The following SSUH2 variants were observed in gnomAD, a reference collection of about 807,000 sequenced individuals.
SSUH2 encodes protein SSUH2 homolog.
SSUH2 carries 47 observed loss-of-function variants against 55.3 expected under a neutral mutation model. The observed-to-expected ratio is 0.85, with a 90% CI of 0.67 to 1.08. The LOEUF (loss-of-function observed/expected upper bound fraction) is 1.08, where lower values mean the gene tolerates loss of function less well. Among genes scored for constraint, SSUH2 ranks in the 50% least tolerant of loss-of-function variants. SSUH2 has a pLI of 0.00. For missense variants in SSUH2, 535 were observed against 490.7 expected (o/e 1.09, Z -0.85); for synonymous variants, 212 against 191.5 (o/e 1.11, Z -0.89).
At chr3:8,646,207 TGTTTA>T (rs575303017), upstream of SSUH2, among the ~76,000 whole-genome samples, 561 of 152,350 alleles carry the variant, frequency 3.7e-3, 3 homozygotes, top group South Asian at 0.017. Context: ...TTGCTGTATC[TGTTTA>T]GGTGTGTGTT....
chr3:8,634,084 G>GGT, intron 3 of SSUH2: 2 of 859,186 alleles, frequency 2.3e-6, no homozygotes, highest in Non-Finnish European at 3.5e-6. Flanking sequence ...CACAACCTTA[G>GGT]AGAGGAATTG....
In SSUH2 at chr3:8,681,044, C is replaced by G. The variant is rs545113248; in HGVS notation, c.-1046+847G>C. ...TCCAAGTGGCGGGGACTGAGAGCCACCCCCTCTTCCCCCGCTGGCTCTTAG... is the reference window on the plus strand; with the variant it reads ...TCCAAGTGGCGGGGACTGAGAGCCAGCCCCTCTTCCCCCGCTGGCTCTTAG... On this transcript the variant is annotated intron_variant, in intron 1 of 18. Transcript: ENST00000317371. 1.2e-3 allele frequency among the ~76,000 whole-genome samples: 174 copies of G among 143,610 alleles called. 5 individuals carry two copies. Among genetic ancestry groups the G allele is most frequent in the Middle Eastern group, 8.1e-3 (2 of 248 alleles). 94.2% of individuals were successfully genotyped at this position (143,610 alleles called of 152,430 possible).
intron 1 of SSUH2, among the ~76,000 whole-genome samples, chr3:8,681,666 A>T (rs1254146869): frequency 7.4e-6 from 1 of 134,604 alleles, no homozygotes; most frequent in Admixed American, 7.3e-5. Context: ...TGGGGACTGA[A>T]AGTCAGCCCC....
intron 1 of SSUH2, among the ~76,000 whole-genome samples, chr3:8,643,503 C>T (rs1575216525): frequency 6.6e-6 from 1 of 152,314 alleles, no homozygotes; most frequent in South Asian, 2.1e-4. Context: ...ATTAAGCCCT[C>T]CTCCAATACA....
At chr3:8,662,252 G>A (rs1247512936) in intron 6 of SSUH2, among the ~76,000 whole-genome samples, 1 of 152,224 alleles carries the variant, frequency 6.6e-6, no homozygotes, top group African/African-American at 2.4e-5. Flanking sequence ...AGAAATGAGA[G>A]AGGGCCATGG....
upstream of SSUH2, among the ~76,000 whole-genome samples, chr3:8,649,284 T>C (rs933465785): frequency 6.6e-6 from 1 of 152,156 alleles, no homozygotes; most frequent in African/African-American, 2.4e-5. Context: ...CTGCAGTTCA[T>C]GAAGAGGGCA....
At chr3:8,677,263 G>A (rs1364321537) in exon 3 of SSUH2, 5 of 151,704 alleles carry the variant, frequency 3.3e-5, no homozygotes, top group South Asian at 2.1e-4. Context: ...CCGAAGGCAG[G>A]TACCTTACTT....
chr3:8,648,883 G>A (rs1388446759), upstream of SSUH2, among the ~76,000 whole-genome samples: 8 of 152,236 alleles, frequency 5.3e-5, no homozygotes, highest in African/African-American at 9.6e-5. Context: ...TGCCCCCACC[G>A]TCTAATGGTG....
intron 6 of SSUH2, among the ~76,000 whole-genome samples, chr3:8,662,651 T>C (rs776258758): frequency 3.9e-5 from 6 of 152,222 alleles, no homozygotes; most frequent in Non-Finnish European, 7.3e-5. Context: ...CAGAAAAGCC[T>C]GGCCCTACTC....
At chr3:8,674,566 G>A (rs1452666085) in intron 3 of SSUH2, among the ~76,000 whole-genome samples, 15 of 152,176 alleles carry the variant, frequency 9.9e-5, no homozygotes, top group Non-Finnish European at 1.5e-4. Context: ...GACATCACCG[G>A]AGCCATGGGG....
At chr3:8,670,619 C>T (rs746558891) in intron 5 of SSUH2, among the ~76,000 whole-genome samples, 3 of 151,940 alleles carry the variant, frequency 2.0e-5, no homozygotes, top group East Asian at 1.9e-4. Flanking sequence ...GAGTACATGC[C>T]GTGTGACATT....
chr3:8,669,889 C>T (rs11916383), intron 5 of SSUH2, among the ~76,000 whole-genome samples: 73,275 of 152,002 alleles, frequency 0.48, 18,405 homozygotes, highest in East Asian at 0.61. Flanking sequence ...ACATGGGACT[C>T]AATGTAATGT....
At chr3:8,651,999 C>G (rs973015835) in intron 7 of SSUH2, 1 of 152,594 alleles carries the variant, frequency 6.6e-6, no homozygotes, top group Middle Eastern at 3.4e-3. Context: ...CCCCTCCATC[C>G]GGGGGTCTCT....
chr3:8,649,450 T>C (rs1034177804), upstream of SSUH2, among the ~76,000 whole-genome samples: 1 of 152,132 alleles, frequency 6.6e-6, no homozygotes, highest in Non-Finnish European at 1.5e-5. Context: ...TTCAGTGTTA[T>C]GGTCGTCCAC....
chr3:8,660,430 G>A (rs180865687), intron 6 of SSUH2, among the ~76,000 whole-genome samples: 20 of 152,214 alleles, frequency 1.3e-4, no homozygotes, highest in African/African-American at 4.8e-4. Flanking sequence ...GCAAGTCAAG[G>A]GTTAAGAAGA....
chr3:8,628,269 G>A (rs772761273), intron 7 of SSUH2, among the ~76,000 whole-genome samples: 5 of 152,182 alleles, frequency 3.3e-5, no homozygotes, highest in African/African-American at 1.2e-4. Context: ...CCCAGCAGGC[G>A]AGGGATGAAA....
intron 1 of SSUH2, among the ~76,000 whole-genome samples, chr3:8,681,568 C>T (rs1408111948): frequency 2.7e-5 from 4 of 150,480 alleles, no homozygotes; most frequent in African/African-American, 7.3e-5. Context: ...GGAGGCACCC[C>T]CAACGAAGCG....
chr3:8,635,809 G>T lies in SSUH2; in HGVS notation c.77C>A (p.Thr26Lys). 2 of 1,536,066 alleles carry T rather than the reference G, an allele frequency of 1.3e-6. No individual in the cohort carries two copies. Among genetic ancestry groups the T allele is most frequent in the Non-Finnish European group, 1.7e-6 (2 of 1,146,876 alleles). Reference protein sequence around the residue: ...FEAESPLAPPTELLERLPSYD... With the variant: ...FEAESPLAPPKELLERLPSYD... Reference sequence around the variant, plus strand: ...GCTGGGCAGTCTCTCCAGGAGCTCTGTGGGGGGCGCCAGAGGACTCTCGGC... The same window carrying T: ...GCTGGGCAGTCTCTCCAGGAGCTCTTTGGGGGGCGCCAGAGGACTCTCGGC... Residue 26 changes from threonine to lysine, a missense_variant, in exon 2 of 12, where the codon ACA becomes AAA. By Grantham distance (78) the Thr-to-Lys change is moderately conservative. Coordinates refer to ENST00000544814, the MANE Select transcript of SSUH2 (RefSeq NM_001256748.3).
chr3:8,678,991 G>C lies in SSUH2; in HGVS notation c.-901+714C>G, dbSNP rs368154289. On this transcript the variant is annotated intron_variant, in intron 2 of 18. Coordinates refer to the SSUH2 transcript ENST00000317371. ...CGCAGGGCGGAGAGTCACCCCCCGCGAGGTGGGGACTGAGAGCCAGCCCCT... is the reference window on the plus strand; with the variant it reads ...CGCAGGGCGGAGAGTCACCCCCCGCCAGGTGGGGACTGAGAGCCAGCCCCT... Among the ~76,000 whole-genome samples, 28 of 104,012 alleles carry C rather than the reference G, an allele frequency of 2.7e-4. 6 individuals carry two copies. Among genetic ancestry groups the C allele is most frequent in the Non-Finnish European group, 4.1e-4 (18 of 43,866 alleles). The allele number at this position is 104,012 out of a possible 152,430, so 68.2% of individuals were successfully genotyped here. A position where few individuals can be genotyped will look rare whatever the true frequency, so the allele number is the denominator to read the frequency against.
Sources: gnomAD v4.1 joint callset for allele counts (sites outside exome capture counted in the v4.1 genomes callset) on GRCh38, gnomAD v4.1.1 for gene constraint, MANE v1.5 for transcripts, NCBI Gene and HGNC (gene_info 2026-07-23, HGNC 2026-07-21) for gene names.